The following ADAMTSL3 variants were observed in gnomAD, a reference collection of about 807,000 sequenced individuals.
The protein encoded by ADAMTSL3 is ADAMTS-like protein 3.
ADAMTSL3 carries 128 observed loss-of-function variants against 201.7 expected under a neutral mutation model. The observed-to-expected ratio is 0.63, with a 90% CI of 0.55 to 0.73. The LOEUF is 0.73. Ranked by LOEUF, ADAMTSL3 falls within the 30% of genes least tolerant of loss-of-function variation. The pLI, the probability that ADAMTSL3 is intolerant of heterozygous loss-of-function variation, is 0.00. For missense variants in ADAMTSL3, 1,990 were observed against 2,119.6 expected (o/e 0.94, Z 1.20); for synonymous variants, 738 against 748.4 (o/e 0.99, Z 0.23).
At chr15:83,882,152 T>G (rs2065284923) in intron 9 of ADAMTSL3, among the ~76,000 whole-genome samples, 2 of 152,010 alleles carry the variant, frequency 1.3e-5, no homozygotes, top group African/African-American at 4.8e-5. Context: ...CGAGACTCTG[T>G]GTCAAAAAAA....
At chr15:84,019,952 G>T (rs2068167241) in intron 25 of ADAMTSL3, among the ~76,000 whole-genome samples, 2 of 147,786 alleles carry the variant, frequency 1.4e-5, no homozygotes, top group Admixed American at 6.7e-5. Flanking sequence ...TGAAGTACAA[G>T]AATAAGTAAA....
chr15:83,683,920 A>ATTTTGT (rs1430894588), intron 2 of ADAMTSL3, among the ~76,000 whole-genome samples: 2 of 152,184 alleles, frequency 1.3e-5, no homozygotes, highest in Non-Finnish European at 2.9e-5. Flanking sequence ...ACACTTAATC[A>ATTTTGT]TTTTGTTTTT....
At chr15:83,665,532 G>A (rs115706093) in intron 2 of ADAMTSL3, among the ~76,000 whole-genome samples, 2,078 of 152,274 alleles carry the variant, frequency 0.014, 43 homozygotes, top group African/African-American at 0.047. Context: ...CCAATTACAT[G>A]TAATTGTTTC....
rs1596498408 is a variant in ADAMTSL3 at position 83,984,159 on chromosome 15, T to C, written c.3716+815T>C. ...CAAATCTTGCTGTTTGTATACAAAG[T>C]ACTATAGACATTGTGCCTTCTTTTG... On this transcript the variant is annotated intron_variant, in intron 21 of 29. Transcript: ENST00000286744. Among the ~76,000 whole-genome samples the C allele has an allele frequency of 1.3e-5, 2 of 152,326 alleles. 1 individual carries two copies. The highest frequency in any genetic ancestry group is 4.1e-4 in the South Asian group (2 of 4,826).
chr15:83,770,119 A>G (rs2062955931), intron 3 of ADAMTSL3, among the ~76,000 whole-genome samples: 1 of 152,184 alleles, frequency 6.6e-6, no homozygotes, highest in Non-Finnish European at 1.5e-5. Flanking sequence ...AGAGGTAGCA[A>G]TGGTAATATT....
intron 2 of ADAMTSL3, among the ~76,000 whole-genome samples, chr15:83,676,159 A>G (rs1374139421): frequency 7.9e-6 from 1 of 126,020 alleles, no homozygotes; most frequent in East Asian, 2.3e-4. Context: ...TCTGTTTTCC[A>G]TTTTCTTGGG....
chr15:83,794,485 A>G (rs1485253800), intron 4 of ADAMTSL3, among the ~76,000 whole-genome samples: 1 of 152,240 alleles, frequency 6.6e-6, no homozygotes, highest in Non-Finnish European at 1.5e-5. Context: ...GTAAATGGAA[A>G]TGAACCATTG....
At chr15:83,740,957 T>C (rs1596121111) in intron 3 of ADAMTSL3, among the ~76,000 whole-genome samples, 1 of 152,118 alleles carries the variant, frequency 6.6e-6, no homozygotes, top group Admixed American at 6.6e-5. Flanking sequence ...CAGCTGTTTA[T>C]TCCTTAGAAA....
At chr15:83,883,859 C>A (rs1301519792) in intron 9 of ADAMTSL3, among the ~76,000 whole-genome samples, 1 of 151,958 alleles carries the variant, frequency 6.6e-6, no homozygotes, top group Non-Finnish European at 1.5e-5. Flanking sequence ...AGCCACTGTG[C>A]CTGGCCTGGT....
intron 7 of ADAMTSL3, 60 bp from the exon 8 acceptor site, chr15:83,858,706 T>C: frequency 2.2e-6 from 3 of 1,344,810 alleles, no homozygotes; most frequent in African/African-American, 1.5e-5. Flanking sequence ...ATTGACTTGC[T>C]CATTTTCATG....
intron 10 of ADAMTSL3, among the ~76,000 whole-genome samples, chr15:83,889,228 G>A (rs1027757366): frequency 1.3e-5 from 2 of 152,176 alleles, no homozygotes; most frequent in African/African-American, 4.8e-5. Context: ...TGTGAGATGA[G>A]GGCTGGGGAG....
chr15:83,851,719 T>C (rs1005328063), intron 7 of ADAMTSL3, among the ~76,000 whole-genome samples: 2 of 152,228 alleles, frequency 1.3e-5, no homozygotes, highest in Admixed American at 6.5e-5. Context: ...GTTATCATAT[T>C]AGTGTGTATC....
chr15:83,910,422 T>A (rs2065909786), intron 15 of ADAMTSL3, among the ~76,000 whole-genome samples: 1 of 150,470 alleles, frequency 6.6e-6, no homozygotes, highest in South Asian at 2.1e-4. Context: ...TAGAAGGAAA[T>A]CATGCTGGAT....
chr15:83,729,589 T>C (rs1241554213), intron 3 of ADAMTSL3, among the ~76,000 whole-genome samples: 5 of 152,164 alleles, frequency 3.3e-5, no homozygotes, highest in Admixed American at 3.3e-4. Context: ...CTCCAGAACT[T>C]CTGCTTGATT....
chr15:83,858,582 A>G (rs933489413), intron 7 of ADAMTSL3, among the ~76,000 whole-genome samples, 184 bp from the exon 8 acceptor site: 3 of 152,188 alleles, frequency 2.0e-5, no homozygotes, highest in African/African-American at 7.2e-5. Context: ...CATCTTGGCC[A>G]GGCTGGTCTC....
At chr15:84,019,242 G>C (rs936794947) in intron 25 of ADAMTSL3, among the ~76,000 whole-genome samples, 8 of 152,058 alleles carry the variant, frequency 5.3e-5, no homozygotes, top group African/African-American at 1.7e-4. Flanking sequence ...CAAAAAGACT[G>C]ACAATGCCAA....
At chr15:83,786,460 A>C (rs544302808) in intron 4 of ADAMTSL3, among the ~76,000 whole-genome samples, 23 of 152,278 alleles carry the variant, frequency 1.5e-4, no homozygotes, top group Middle Eastern at 3.4e-3. Context: ...TATACATTCT[A>C]ATTATACTCT....
intron 19 of ADAMTSL3, among the ~76,000 whole-genome samples, chr15:83,956,783 T>C (rs1369593576): frequency 2.0e-5 from 3 of 152,186 alleles, no homozygotes; most frequent in South Asian, 4.1e-4. Flanking sequence ...TGTATCCCAC[T>C]TGGTGCTTGG....
chr15:83,871,164 C>T (rs2065074050), intron 9 of ADAMTSL3, among the ~76,000 whole-genome samples: 1 of 152,194 alleles, frequency 6.6e-6, no homozygotes, highest in Non-Finnish European at 1.5e-5. Context: ...AGTTAAAAAA[C>T]AAACTTCACT....
Sources: gnomAD v4.1 joint callset for allele counts (sites outside exome capture counted in the v4.1 genomes callset) on GRCh38, gnomAD v4.1.1 for gene constraint, MANE v1.5 for transcripts, NCBI Gene and HGNC (gene_info 2026-07-23, HGNC 2026-07-21) for gene names.